CYP39A1: variants seen among roughly 807,000 people sequenced by gnomAD.
The protein encoded by CYP39A1 is 24-hydroxycholesterol 7-alpha-hydroxylase.
A neutral mutation model predicts 58.1 loss-of-function variants in CYP39A1; 49 were observed. The ratio of observed to expected loss-of-function variants is 0.84; its 90% CI spans 0.67 to 1.07. The LOEUF is 1.07. Ranked by LOEUF, CYP39A1 falls within the 50% of genes least tolerant of loss-of-function variation. CYP39A1 has a pLI of 0.00. For synonymous variants in CYP39A1, 209 were observed against 187.6 expected, an observed-to-expected ratio of 1.11 and a Z score of -0.93; for missense variants, 531 against 539.4, an observed-to-expected ratio of 0.98 and a Z score of 0.16.
In CYP39A1 at chr6:46,587,181, A is replaced by AT. The variant is rs200220385; in HGVS notation, c.1162-17dup. 1,590 of 1,542,088 alleles carry AT rather than the reference A, an allele frequency of 1.0e-3. No individual in the cohort carries two copies. Among genetic ancestry groups the AT allele is most frequent in the African/African-American group, 4.2e-3 (308 of 73,296 alleles). On this transcript the variant is annotated splice_polypyrimidine_tract_variant and intron_variant, in intron 9 of 11. Transcript: ENST00000275016. Reference sequence around the variant, plus strand: ...TCCAACGTTCCTGTGGGAAGAAAACATTTTTTTTTCCAAATCAGCCTTATA... The same window carrying AT: ...TCCAACGTTCCTGTGGGAAGAAAACATTTTTTTTTTCCAAATCAGCCTTATA...
intron 10 of CYP39A1, among the ~76,000 whole-genome samples, chr6:46,581,265 G>A (rs1191447423): frequency 1.3e-5 from 2 of 152,064 alleles, no homozygotes; most frequent in East Asian, 1.9e-4. Context: ...TTTAAAATTA[G>A]CTGGGCACTA....
chr6:46,553,595 A>G (rs530582558), intron 11 of CYP39A1, among the ~76,000 whole-genome samples, 172 bp downstream of exon 11: 2 of 152,300 alleles, frequency 1.3e-5, no homozygotes, highest in Admixed American at 1.3e-4. Context: ...TTAGATCCTG[A>G]ATTAAGGAGA....
At chr6:46,592,404 A>G (rs1290621560) in intron 8 of CYP39A1, among the ~76,000 whole-genome samples, 3 of 152,184 alleles carry the variant, frequency 2.0e-5, no homozygotes, top group Non-Finnish European at 4.4e-5. Flanking sequence ...CAGTTCAGCA[A>G]AAACATTCCA....
At chr6:46,628,951 C>A (rs1195592703) in intron 6 of CYP39A1, among the ~76,000 whole-genome samples, 1 of 152,182 alleles carries the variant, frequency 6.6e-6, no homozygotes, top group East Asian at 1.9e-4. Flanking sequence ...CTATTTCTTA[C>A]CAAAATAATC....
intron 7 of CYP39A1, among the ~76,000 whole-genome samples, chr6:46,598,975 C>A (rs1773332454): frequency 6.6e-6 from 1 of 152,142 alleles, no homozygotes; most frequent in South Asian, 2.1e-4. Context: ...AGAAACCACA[C>A]CTTCCTATCT....
At chr6:46,570,370 T>A (rs1771518002) in intron 10 of CYP39A1, among the ~76,000 whole-genome samples, 1 of 152,166 alleles carries the variant, frequency 6.6e-6, no homozygotes. Flanking sequence ...TCTGCCAACT[T>A]TGTGCTTCAT....
chr6:46,588,068 G>T lies in CYP39A1; in HGVS notation c.1127C>A (p.Pro376Gln). ...MLSPFWLHRN[P>Q]KYFPEPELFK... Reference sequence around the variant, plus strand: ...CAATTCAGGCTCAGGAAAATACTTTGGATTTCTATGCAGCCAAAATGGAGA... The same window carrying T: ...CAATTCAGGCTCAGGAAAATACTTTTGATTTCTATGCAGCCAAAATGGAGA... Residue 376 changes from proline (P) to glutamine (Q), a missense_variant, in exon 9 of 12, where the codon CCA becomes CAA. Transcript: ENST00000275016. The T allele has an allele frequency of 6.3e-7, 1 of 1,588,484 alleles. No individual in the cohort carries two copies.
chr6:46,592,459 G>A (rs2150518700), intron 8 of CYP39A1, among the ~76,000 whole-genome samples: 1 of 152,204 alleles, frequency 6.6e-6, no homozygotes, highest in South Asian at 2.1e-4. Flanking sequence ...CAAATTGTAT[G>A]AATTTATACT....
intron 10 of CYP39A1, among the ~76,000 whole-genome samples, chr6:46,564,378 T>C (rs1771166098): frequency 6.6e-6 from 1 of 151,782 alleles, no homozygotes; most frequent in Admixed American, 6.6e-5. Flanking sequence ...GTATTTTTAG[T>C]AGAGACGAGG....
intron 10 of CYP39A1, chr6:46,583,596 A>G: frequency 1.0e-6 from 1 of 985,356 alleles, no homozygotes; most frequent in Non-Finnish European, 1.2e-6. Context: ...AACAAAACAA[A>G]ACAGAAATAA....
chr6:46,644,927 C>A (rs777840325), intron 1 of CYP39A1, among the ~76,000 whole-genome samples: 3 of 152,166 alleles, frequency 2.0e-5, no homozygotes, highest in Non-Finnish European at 4.4e-5. Flanking sequence ...AATTTGACAT[C>A]TGAATATTCT....
rs967486341 is a variant in CYP39A1 at position 46,652,764 on chromosome 6, T to C, written c.-182A>G. The C allele has an allele frequency of 2.4e-5, 13 of 545,712 alleles. No individual in the cohort carries two copies. Among genetic ancestry groups the C allele is most frequent in the African/African-American group, 2.3e-4 (12 of 51,372 alleles). The allele number at this position is 545,712 out of a possible 1,614,324, so 33.8% of individuals were successfully genotyped here. On this transcript the variant is annotated 5_prime_UTR_variant, in exon 1 of 12. Coordinates refer to ENST00000275016, the MANE Select transcript of CYP39A1 (RefSeq NM_016593.5). ...CAGTTTTCAGGTGATTTTTCCATTG[T>C]CGCTCCCTCCCACCTCCACTTCTCT...
rs75810871 is a variant in CYP39A1, at chr6:46,647,022, T to A, written c.178-4724A>T. Among the ~76,000 whole-genome samples, 6 of 151,990 alleles carry A rather than the reference T, an allele frequency of 3.9e-5. No individual in the cohort carries two copies. The South Asian group carries it at 6.2e-4, about 16-fold the overall frequency. On this transcript the variant is annotated intron_variant, in intron 1 of 11. Transcript: ENST00000275016. ...CATTGATTTTCCTTATTTTTTTTTT[T>A]AATTTTCAACTTCATTGATTTCTGT...
chr6:46,630,137 A>AAAAAC (rs1554166479), intron 6 of CYP39A1, among the ~76,000 whole-genome samples: 3 of 151,698 alleles, frequency 2.0e-5, no homozygotes, highest in South Asian at 4.1e-4. Context: ...CAACAAAAAA[A>AAAAAC]CCCACAAAAA....
intron 10 of CYP39A1, among the ~76,000 whole-genome samples, chr6:46,571,416 C>A (rs755734762): frequency 6.6e-6 from 1 of 152,116 alleles, no homozygotes; most frequent in Non-Finnish European, 1.5e-5. Context: ...ATGTTGGGTA[C>A]ACATATATTT....
intron 6 of CYP39A1, among the ~76,000 whole-genome samples, chr6:46,627,738 A>G (rs942079702): frequency 7.9e-5 from 12 of 152,106 alleles, no homozygotes; most frequent in Non-Finnish European, 1.5e-4. Flanking sequence ...TCCTTAACAG[A>G]TTACAGTTTT....
intron 7 of CYP39A1, among the ~76,000 whole-genome samples, chr6:46,606,730 G>T (rs980475631): frequency 5.8e-4 from 89 of 152,158 alleles, no homozygotes; most frequent in African/African-American, 2.1e-3. Context: ...AGCAAAAAAA[G>T]TTTATAAAAC....
At chr6:46,557,933 C>CAAAAAAAAAAAAA (rs1186594398) in intron 10 of CYP39A1, among the ~76,000 whole-genome samples, 15 of 37,602 alleles carry the variant, frequency 4.0e-4, no homozygotes, top group East Asian at 7.0e-4. Flanking sequence ...GACTCCATCT[C>CAAAAAAAAAAAAA]AAAAAAAAAA....
intron 6 of CYP39A1, among the ~76,000 whole-genome samples, chr6:46,628,402 T>A (rs1431294527): frequency 6.6e-6 from 1 of 152,110 alleles, no homozygotes; most frequent in Non-Finnish European, 1.5e-5. Context: ...TTAGAAAGAA[T>A]GTAAGAGATG....
Sources: gnomAD v4.1 joint callset for allele counts (sites outside exome capture counted in the v4.1 genomes callset) on GRCh38, gnomAD v4.1.1 for gene constraint, MANE v1.5 for transcripts, NCBI Gene and HGNC (gene_info 2026-07-23, HGNC 2026-07-21) for gene names.